Variants in COX11 observed in about 807,000 individuals in gnomAD.
COX11 encodes cytochrome c oxidase copper chaperone COX11, also known as cytochrome c oxidase assembly protein COX11, mitochondrial.
Under a neutral mutation model 29.4 loss-of-function variants are expected in COX11, and 18 were observed. The ratio of observed to expected loss-of-function variants is 0.61; its 90% confidence interval spans 0.42 to 0.91. The LOEUF (loss-of-function observed/expected upper bound fraction) is 0.91. Among genes scored for constraint, COX11 ranks in the 40% least tolerant of loss-of-function variants. The pLI is 0.00. For missense variants in COX11, 312 were observed against 346.0 expected (o/e 0.90, Z 0.78); for synonymous variants, 131 against 124.0 (o/e 1.06, Z -0.38).
At chr17:54,957,022 TGA>T (rs1276200551), downstream of COX11, 1 of 152,240 alleles carries the variant, frequency 6.6e-6, no homozygotes, top group African/African-American at 2.4e-5. Context: ...TGTAAATTGC[TGA>T]GGTCTGTCAT....
rs2144109004 is a variant in COX11 at position 54,960,518 on chromosome 17, A to G, written c.*2215T>C. ...GCTGGCAGTTAAAAACCAAAATAGCACTTTGAAATTGATACATAACCCTTT... is the reference window on the plus strand; with the variant it reads ...GCTGGCAGTTAAAAACCAAAATAGCGCTTTGAAATTGATACATAACCCTTT... On this transcript the variant is annotated 3_prime_UTR_variant, in exon 4 of 4. Coordinates refer to ENST00000299335, the MANE Select transcript of COX11 (RefSeq NM_004375.5). The G allele has an allele frequency of 1.3e-6, 2 of 1,489,580 alleles. No individual in the cohort carries two copies. Among genetic ancestry groups the G allele is most frequent in the Middle Eastern group, 4.2e-4 (2 of 4,754 alleles). 92.3% of individuals were successfully genotyped at this position (1,489,580 alleles called of 1,614,324 possible).
At chr17:54,953,544 C>CT (rs368585494) in exon 1 of COX11, 5 of 152,308 alleles carry the variant, frequency 3.3e-5, no homozygotes, top group African/African-American at 1.2e-4. Flanking sequence ...CCTTCCCTCT[C>CT]TGGGGATGAT....
chr17:54,963,134 T>G, intron 3 of COX11, 172 bp downstream of exon 3: 1 of 804,790 alleles, frequency 1.2e-6, no homozygotes, highest in Non-Finnish European at 1.9e-6. Flanking sequence ...AGATATCCAT[T>G]TGGTTTGGTT....
downstream of COX11, among the ~76,000 whole-genome samples, chr17:54,956,136 G>A (rs138705871): frequency 1.1e-4 from 16 of 152,266 alleles, no homozygotes; most frequent in African/African-American, 3.4e-4. Flanking sequence ...AACTCTCCAT[G>A]AGAACACAGG....
At chr17:54,967,040 G>GCACA (rs1491115527) in intron 1 of COX11, among the ~76,000 whole-genome samples, 14 of 38,478 alleles carry the variant, frequency 3.6e-4, no homozygotes, top group African/African-American at 7.6e-4. Context: ...GTGCGCGCGC[G>GCACA]CGCACACACA....
downstream of COX11, chr17:54,958,122 T>G (rs996629826): frequency 5.5e-5 from 8 of 144,320 alleles, no homozygotes; most frequent in African/African-American, 2.0e-4. Context: ...TCTGGCACAT[T>G]CAAGGAAATG....
Position 54,961,356 on chromosome 17 carries a change from A to G in COX11, c.*1377T>C, listed in dbSNP as rs1435930447. ...CAACATGTCAAAGCCATGGTGGCAC[A>G]TTTCTGCTATAATGAAGATTAAATA... is the stretch of plus-strand genomic sequence containing the variant. On this transcript the variant is annotated 3_prime_UTR_variant, in exon 4 of 4. Transcript: ENST00000299335. 6.4e-7 allele frequency: 1 copy of G among 1,551,244 alleles called. No homozygotes were observed.
chr17:54,960,935 G>A lies in COX11; in HGVS notation c.*1798C>T, dbSNP rs957306721. On this transcript the variant is annotated 3_prime_UTR_variant, in exon 4 of 4. Transcript: ENST00000299335. ...GAAATCAGGCATTTGTTTTTCATAT[G>A]CAGTTAATACTTGTTAACCGGTACC... is the stretch of plus-strand genomic sequence containing the variant. Among the ~76,000 whole-genome samples the A allele has an allele frequency of 6.6e-6, 1 of 152,176 alleles. No homozygotes were observed. The highest frequency in any genetic ancestry group is 1.5e-5 in the Non-Finnish European group (1 of 68,030).
intron 1 of COX11, 96 bp downstream of exon 1, chr17:54,968,185 C>T (rs910283877): frequency 6.6e-7 from 1 of 1,518,780 alleles, no homozygotes; most frequent in Non-Finnish European, 8.8e-7. Flanking sequence ...AAACCTCTTC[C>T]ACCTACGACC....
At chr17:54,968,196 C>G in intron 1 of COX11, 85 bp downstream of exon 1, 7 of 1,536,722 alleles carry the variant, frequency 4.6e-6, no homozygotes, top group Non-Finnish European at 5.2e-6. Flanking sequence ...ACCTACGACC[C>G]GCAGAGCGAG....
exon 1 of COX11, chr17:54,953,086 ACT>A (rs149387797): frequency 6.6e-6 from 1 of 152,342 alleles, no homozygotes; most frequent in African/African-American, 2.4e-5. Context: ...TTGATCAAAA[ACT>A]CAGCTGGTGG....
downstream of COX11, among the ~76,000 whole-genome samples, chr17:54,959,914 T>C (rs1005982421): frequency 6.6e-6 from 1 of 152,116 alleles, no homozygotes; most frequent in African/African-American, 2.4e-5. Flanking sequence ...ACTGCACTTG[T>C]CCTAATATTT....
rs534404047 is a variant in COX11 at position 54,963,386 on chromosome 17, G to T, written c.568C>A (p.Pro190Thr). ...ATTCCAATTACTGGTTTGTCAGTAG[G>T]ATTCTTAGCTCTGTAAAACGCCAGT... The part of the protein sequence containing the change: ...TALAFYRAKN[P>T]TDKPVIGIST... The change falls in exon 3 of 4, where the codon CCT (proline) becomes ACT (threonine). Residue 190 changes from proline (P) to threonine (T), a missense_variant. Pro to Thr is a conservative substitution (Grantham distance 38, BLOSUM62 -1). Coordinates refer to ENST00000299335, the MANE Select transcript of COX11 (RefSeq NM_004375.5). 6.2e-7 allele frequency: 1 copy of T among 1,612,166 alleles called. No individual in the cohort carries two copies. Among genetic ancestry groups the T allele is most frequent in the African/African-American group, 1.3e-5 (1 of 74,968 alleles).
Position 54,960,479 on chromosome 17 carries a change from T to G in COX11, c.*2254A>C. 3 of 975,048 alleles carry G rather than the reference T, an allele frequency of 3.1e-6. No homozygotes were observed. Among genetic ancestry groups the G allele is most frequent in the Non-Finnish European group, 5.0e-6 (3 of 604,158 alleles). The allele number at this position is 975,048 out of a possible 1,614,324, so 60.4% of individuals were successfully genotyped here. A position where few individuals can be genotyped will look rare whatever the true frequency, so the allele number is the denominator to read the frequency against. Reference sequence around the variant, plus strand: ...AGCCTGAACTCCAAAACCAGCTCAATTTTTAATTACAGTGCTGGCAGTTAA... The same window carrying G: ...AGCCTGAACTCCAAAACCAGCTCAAGTTTTAATTACAGTGCTGGCAGTTAA... On this transcript the variant is annotated 3_prime_UTR_variant, in exon 4 of 4. Coordinates refer to ENST00000299335, the MANE Select transcript of COX11 (RefSeq NM_004375.5).
downstream of COX11, among the ~76,000 whole-genome samples, chr17:54,958,748 A>AAAAAAGGG (rs372776781): frequency 1.7e-5 from 2 of 118,954 alleles, no homozygotes; most frequent in African/African-American, 3.1e-5. Context: ...AAAAAAAAAA[A>AAAAAAGGG]GGGGTTGTTG....
Position 54,963,958 on chromosome 17 carries a change from AATTCAGCCACTAATACCTTTGT to A in COX11, c.523-549_523-528del, listed in dbSNP as rs1239260035. 3.9e-5 allele frequency among the ~76,000 whole-genome samples: 6 copies of A among 152,256 alleles called. 1 individual carries two copies. The highest frequency in any genetic ancestry group is 1.4e-4 in the African/African-American group (6 of 41,580). On this transcript the variant is annotated intron_variant, in intron 2 of 3. Transcript: ENST00000299335. ...CAAAGGATATTCTGTCACTTGTACC[AATTCAGCCACTAATACCTTTGT>A]ATACTACCACGTAATTGGAGAAGAT...
In COX11 at chr17:54,962,066, G is replaced by A. The variant is rs1228207070; in HGVS notation, c.*667C>T. 2.0e-6 allele frequency: 2 copies of A among 983,038 alleles called. No individual in the cohort carries two copies. The highest frequency in any genetic ancestry group is 3.5e-5 in the African/African-American group (2 of 57,128). The allele number at this position is 983,038 out of a possible 1,614,324, so 60.9% of individuals were successfully genotyped here. On this transcript the variant is annotated 3_prime_UTR_variant, in exon 4 of 4. Transcript: ENST00000299335. ...TTAACATTCATGGACTTGTAATGGTGATGCTTTGGCTAACAGCCTAGTAGA... is the reference window on the plus strand; with the variant it reads ...TTAACATTCATGGACTTGTAATGGTAATGCTTTGGCTAACAGCCTAGTAGA...
At position 54,964,707 on chromosome 17, in the gene COX11, G is replaced by A; in HGVS notation, c.512C>T (p.Thr171Ile). 6.2e-7 allele frequency: 1 copy of A among 1,613,682 alleles called. No homozygotes were observed. The highest frequency in any genetic ancestry group is 8.5e-7 in the Non-Finnish European group (1 of 1,179,750). The change falls in exon 2 of 4, where the codon ACA (threonine) becomes ATA (isoleucine). Residue 171 changes from threonine to isoleucine, a missense_variant. Around this residue, in one of 2 missense-constraint regions of COX11, gnomAD observed 182 missense variants for 240.0 expected, o/e 0.76. Coordinates refer to ENST00000299335, the MANE Select transcript of COX11 (RefSeq NM_004375.5). ...SLQWNFRPQQTEIYVVPGETA... is the reference protein window; with the variant it reads ...SLQWNFRPQQIEIYVVPGETA... ...TGGTTAGTCACTTACATATATTTCT[G>A]TTTGCTGAGGTCTAAAGTTCCACTG...
intron 2 of COX11, chr17:54,964,496 A>G (rs3213757): frequency 0.52 from 288,945 of 559,600 alleles, 77,451 homozygotes; most frequent in Non-Finnish European, 0.57. Context: ...ACTACTTTTT[A>G]ATAGTGCTTT....
Sources: gnomAD v4.1 joint callset for allele counts (sites outside exome capture counted in the v4.1 genomes callset) on GRCh38, gnomAD v4.1.1 for gene constraint, gnomAD v4.1.1 regional missense constraint, MANE v1.5 for transcripts, NCBI Gene and HGNC (gene_info 2026-07-23, HGNC 2026-07-21) for gene names.